Variants in GUCY1A2 observed in about 807,000 individuals in gnomAD.
GUCY1A2 encodes the protein guanylate cyclase soluble subunit alpha-2.
Under a neutral mutation model 63.5 loss-of-function variants are expected in GUCY1A2, and 27 were observed. The observed-to-expected ratio is 0.43, with a 90% CI of 0.31 to 0.59. The LOEUF (loss-of-function observed/expected upper bound fraction) is 0.59. Among genes scored for constraint, GUCY1A2 ranks in the 20% least tolerant of loss-of-function variants. The pLI is 0.11. For missense variants in GUCY1A2, 768 were observed against 913.3 expected (o/e 0.84, Z 2.05); for synonymous variants, 364 against 343.5 (o/e 1.06, Z -0.66).
chr11:106,853,196 AATTTTCAGT>A (rs1316227689), intron 4 of GUCY1A2, among the ~76,000 whole-genome samples: 1 of 152,088 alleles, frequency 6.6e-6, no homozygotes, highest in African/African-American at 2.4e-5. Flanking sequence ...AGACTTGGGA[AATTTTCAGT>A]TATTATTTCA....
chr11:106,770,096 T>C (rs1864230562), intron 6 of GUCY1A2, among the ~76,000 whole-genome samples: 1 of 152,030 alleles, frequency 6.6e-6, no homozygotes, highest in Non-Finnish European at 1.5e-5. Context: ...AACAAAATGA[T>C]ATAGTATTAC....
At chr11:106,823,106 T>A (rs1400057321) in intron 4 of GUCY1A2, among the ~76,000 whole-genome samples, 1 of 151,800 alleles carries the variant, frequency 6.6e-6, no homozygotes, top group Non-Finnish European at 1.5e-5. Context: ...GAAAAAAAAA[T>A]GTAGATTCAG....
intron 6 of GUCY1A2, among the ~76,000 whole-genome samples, chr11:106,712,836 T>A (rs1863143700): frequency 6.6e-6 from 1 of 152,200 alleles, no homozygotes; most frequent in Admixed American, 6.5e-5. Context: ...AAGTCCTGTA[T>A]AAGTGCTAGG....
intron 1 of GUCY1A2, among the ~76,000 whole-genome samples, chr11:106,993,707 T>C (rs1861500610): frequency 6.6e-6 from 1 of 152,106 alleles, no homozygotes; most frequent in African/African-American, 2.4e-5. Context: ...GAAAAACATA[T>C]GTAAGAAGTA....
At chr11:106,953,454 G>A (rs191112062) in intron 3 of GUCY1A2, among the ~76,000 whole-genome samples, 191 of 152,286 alleles carry the variant, frequency 1.3e-3, no homozygotes, top group African/African-American at 4.5e-3. Flanking sequence ...TTGCATCGAT[G>A]TTCATCAGGG....
chr11:106,963,231 G>A (rs1861082971), intron 3 of GUCY1A2, among the ~76,000 whole-genome samples: 2 of 152,146 alleles, frequency 1.3e-5, no homozygotes, highest in Non-Finnish European at 2.9e-5. Flanking sequence ...AGTCTACAGA[G>A]GAGAATATGT....
intron 1 of GUCY1A2, among the ~76,000 whole-genome samples, chr11:106,992,801 T>C (rs1455283837): frequency 6.6e-6 from 1 of 152,110 alleles, no homozygotes; most frequent in Non-Finnish European, 1.5e-5. Context: ...AATCAGGAAT[T>C]AAATTTTATT....
At chr11:106,793,339 A>G (rs1458240385) in intron 5 of GUCY1A2, among the ~76,000 whole-genome samples, 1 of 152,176 alleles carries the variant, frequency 6.6e-6, no homozygotes, top group Non-Finnish European at 1.5e-5. Flanking sequence ...TGACATACAG[A>G]AAAATCAACT....
At chr11:106,803,123 T>C (rs1380349653) in intron 5 of GUCY1A2, among the ~76,000 whole-genome samples, 1 of 152,136 alleles carries the variant, frequency 6.6e-6, no homozygotes, top group African/African-American at 2.4e-5. Context: ...CTAAAAGAAA[T>C]GTTCTCTGAA....
At chr11:106,966,882 C>T (rs1861133121) in intron 3 of GUCY1A2, among the ~76,000 whole-genome samples, 1 of 151,894 alleles carries the variant, frequency 6.6e-6, no homozygotes, top group Non-Finnish European at 1.5e-5. Context: ...TGAATTGTTG[C>T]TTTTTATTAA....
rs370038508 is a variant in GUCY1A2, at chr11:107,018,050, A to T, written c.6T>A (p.Ser2=). Residue 2 remains serine, a synonymous_variant, in exon 1 of 8, where the codon TCT becomes TCA. Coordinates refer to ENST00000526355, the MANE Select transcript of GUCY1A2 (RefSeq NM_000855.3). The part of the protein sequence containing the change: M[S]RRKISSESFS... ...AGGACTCGGACGAAATCTTCCTTCG[A>T]GACATGCTGCCGGCGGAGCTGCAGC... 4.8e-6 allele frequency: 7 copies of T among 1,458,788 alleles called. No individual in the cohort carries two copies. The African/African-American group carries it at 1.0e-4, about 22-fold the overall frequency. 90.4% of individuals were successfully genotyped at this position (1,458,788 alleles called of 1,614,324 possible). A position where few individuals can be genotyped will look rare whatever the true frequency, so the allele number is the denominator to read the frequency against.
intron 3 of GUCY1A2, among the ~76,000 whole-genome samples, chr11:106,943,620 T>C (rs943697845): frequency 1.7e-4 from 26 of 152,344 alleles, no homozygotes; most frequent in Middle Eastern, 3.4e-3. Flanking sequence ...TGCGTATCTA[T>C]CACTGGCATA....
In GUCY1A2 at chr11:106,727,048, C is replaced by T. The variant is rs1863420517; in HGVS notation, c.1837-18382G>A. Among the ~76,000 whole-genome samples the T allele has an allele frequency of 2.0e-5, 3 of 152,126 alleles. No homozygotes were observed. The South Asian group carries it at 6.2e-4, about 31-fold the overall frequency. The stretch of plus-strand genomic sequence containing the variant: ...AGTGAAGAGTGTGAAATTTTAGAGC[C>T]AACAGGTTGGGACTGTTGGTCAGAA... On this transcript the variant is annotated intron_variant, in intron 6 of 7. Transcript: ENST00000526355.
chr11:106,902,224 A>G (rs191362487), intron 4 of GUCY1A2, among the ~76,000 whole-genome samples: 2 of 152,318 alleles, frequency 1.3e-5, no homozygotes, highest in South Asian at 2.1e-4. Flanking sequence ...AATCTCTTTT[A>G]CTGAGCGGTA....
Position 106,677,603 on chromosome 11 carries a change from G to C in GUCY1A2, c.*9946C>G, listed in dbSNP as rs1455786521. On this transcript the variant is annotated 3_prime_UTR_variant, in exon 8 of 8. Coordinates refer to ENST00000526355, the MANE Select transcript of GUCY1A2 (RefSeq NM_000855.3). ...TAAATTTCTTGTTTGTTTTATCAAA[G>C]TTTTGACATGCTGAATTTCATGGCA... 1 of 207,308 alleles carries C rather than the reference G, an allele frequency of 4.8e-6. No homozygotes were observed. Among genetic ancestry groups the C allele is most frequent in the East Asian group, 7.3e-5 (1 of 13,774 alleles). 12.8% of individuals were successfully genotyped at this position (207,308 alleles called of 1,614,324 possible).
intron 5 of GUCY1A2, among the ~76,000 whole-genome samples, chr11:106,784,535 G>A (rs538994965): frequency 5.9e-5 from 9 of 152,238 alleles, no homozygotes; most frequent in Admixed American, 1.3e-4. Flanking sequence ...ACCTCCCATA[G>A]GGAACAAAGA....
intron 2 of GUCY1A2, among the ~76,000 whole-genome samples, chr11:106,984,941 A>G (rs1271768231): frequency 6.6e-6 from 1 of 152,242 alleles, no homozygotes; most frequent in Non-Finnish European, 1.5e-5. Flanking sequence ...GAGGATAAGT[A>G]TGACAAAGTT....
intron 4 of GUCY1A2, among the ~76,000 whole-genome samples, chr11:106,812,539 C>T (rs1309051732): frequency 1.3e-5 from 2 of 151,656 alleles, no homozygotes; most frequent in East Asian, 3.9e-4. Context: ...TAACATTTAC[C>T]ATCACAACTA....
chr11:106,760,466 A>G (rs1864046949), intron 6 of GUCY1A2, among the ~76,000 whole-genome samples: 1 of 152,206 alleles, frequency 6.6e-6, no homozygotes, highest in Non-Finnish European at 1.5e-5. Flanking sequence ...CGTTTATGTG[A>G]GCATATATTT....
Sources: gnomAD v4.1 joint callset for allele counts (sites outside exome capture counted in the v4.1 genomes callset) on GRCh38, gnomAD v4.1.1 for gene constraint, MANE v1.5 for transcripts, NCBI Gene and HGNC (gene_info 2026-07-23, HGNC 2026-07-21) for gene names.